Variants in PTPRK observed in about 807,000 individuals in gnomAD.
The protein encoded by PTPRK is receptor-type tyrosine-protein phosphatase kappa.
In PTPRK, 75 loss-of-function variants were observed where a neutral mutation model predicts 178.0. The ratio of observed to expected loss-of-function variants is 0.42; its 90% CI spans 0.35 to 0.51. PTPRK has a LOEUF of 0.51. PTPRK is among the 20% of genes least tolerant of loss of function. The pLI, the probability that PTPRK is intolerant of heterozygous loss-of-function variation, is 0.02. For synonymous variants in PTPRK, 637 were observed against 620.6 expected (o/e 1.03, Z -0.39); for missense variants, 1,441 against 1,797.8 (o/e 0.80, Z 3.59).
intron 2 of PTPRK, among the ~76,000 whole-genome samples, chr6:128,336,796 C>T (rs562870398): frequency 3.9e-5 from 6 of 152,294 alleles, no homozygotes; most frequent in African/African-American, 1.2e-4. Flanking sequence ...AGGGATTAAA[C>T]TCTGCAAACA....
chr6:127,998,916 C>T lies in PTPRK; in HGVS notation c.2495-12G>A, dbSNP rs1377128722. The T allele has an allele frequency of 3.3e-6, 5 of 1,511,414 alleles. No individual in the cohort carries two copies. The East Asian group carries it at 1.2e-4, about 36-fold the overall frequency. 93.6% of individuals were successfully genotyped at this position (1,511,414 alleles called of 1,614,324 possible). The stretch of plus-strand genomic sequence containing the variant: ...ACTGTGGTTCTCATCTGGCATTTTT[C>T]AGATTTCAGAAGATTAAAAAAGAGA... On this transcript the variant is annotated splice_polypyrimidine_tract_variant and intron_variant, in intron 15 of 29. Coordinates refer to ENST00000368226, the MANE Select transcript of PTPRK (RefSeq NM_002844.4).
At chr6:128,315,399 A>C (rs1287428269) in intron 3 of PTPRK, among the ~76,000 whole-genome samples, 1 of 152,158 alleles carries the variant, frequency 6.6e-6, no homozygotes, top group Non-Finnish European at 1.5e-5. Flanking sequence ...ATTTTTTAAC[A>C]GATCATTCAA....
chr6:128,202,362 C>T (rs1185000745), intron 6 of PTPRK, among the ~76,000 whole-genome samples: 2 of 152,206 alleles, frequency 1.3e-5, no homozygotes, highest in East Asian at 3.8e-4. Flanking sequence ...CTTGTAAGTT[C>T]AGGCTACTAG....
chr6:128,511,277 T>C (rs1274092186), intron 1 of PTPRK, among the ~76,000 whole-genome samples: 1 of 152,172 alleles, frequency 6.6e-6, no homozygotes, highest in Non-Finnish European at 1.5e-5. Context: ...AACAATCTGA[T>C]CCTACTGTCT....
chr6:128,193,368 G>GT (rs1475665276), intron 6 of PTPRK, among the ~76,000 whole-genome samples: 3 of 140,840 alleles, frequency 2.1e-5, no homozygotes, highest in East Asian at 4.5e-4. Context: ...CAATTAAAAT[G>GT]TTTTAAGTAT....
At chr6:128,003,175 T>C (rs1361475929) in intron 15 of PTPRK, 4 of 1,589,980 alleles carry the variant, frequency 2.5e-6, no homozygotes, top group Non-Finnish European at 3.4e-6. Context: ...AATGAAAAGA[T>C]GATAAAGATT....
chr6:127,975,048 GTTAAATATA>G (rs966637222), intron 27 of PTPRK, among the ~76,000 whole-genome samples: 8 of 152,160 alleles, frequency 5.3e-5, no homozygotes, highest in Admixed American at 4.6e-4. Flanking sequence ...GTTTGATGCA[GTTAAATATA>G]TTAAATATAT....
intron 15 of PTPRK, chr6:128,003,227 T>G: frequency 6.2e-7 from 1 of 1,604,892 alleles, no homozygotes; most frequent in Non-Finnish European, 8.5e-7. Flanking sequence ...AGTGGATCAT[T>G]GGGCACTGCA....
chr6:128,254,710 G>A (rs1253705775), intron 3 of PTPRK, among the ~76,000 whole-genome samples: 2 of 151,242 alleles, frequency 1.3e-5, no homozygotes, highest in Admixed American at 1.3e-4. Flanking sequence ...TTTTTATCTA[G>A]AATACTCAGA....
intron 1 of PTPRK, among the ~76,000 whole-genome samples, chr6:128,424,810 T>G (rs911079286): frequency 2.0e-5 from 3 of 152,192 alleles, no homozygotes; most frequent in Non-Finnish European, 4.4e-5. Flanking sequence ...ATGCTGTCAC[T>G]AATGCTAAAA....
At chr6:128,198,384 A>G (rs1805299972) in intron 6 of PTPRK, among the ~76,000 whole-genome samples, 1 of 151,860 alleles carries the variant, frequency 6.6e-6, no homozygotes, top group African/African-American at 2.4e-5. Context: ...TCCATGGGAA[A>G]CTCTTCTCTT....
intron 2 of PTPRK, among the ~76,000 whole-genome samples, chr6:128,381,331 A>C (rs532769793): frequency 6.6e-6 from 1 of 152,326 alleles, no homozygotes; most frequent in South Asian, 2.1e-4. Context: ...TCTTTGTTAT[A>C]AAAATCATTT....
chr6:128,109,592 A>C (rs1790303928), intron 7 of PTPRK, among the ~76,000 whole-genome samples: 1 of 152,158 alleles, frequency 6.6e-6, no homozygotes, highest in South Asian at 2.1e-4. Flanking sequence ...ATAGAAAGAC[A>C]AGAAAGGAAG....
intron 6 of PTPRK, among the ~76,000 whole-genome samples, chr6:128,218,318 G>A (rs1187595315): frequency 6.6e-6 from 1 of 152,174 alleles, no homozygotes; most frequent in Non-Finnish European, 1.5e-5. Context: ...AATGTAATAT[G>A]TGTTTTGCAC....
chr6:127,977,280 A>AG (rs1192007396), intron 25 of PTPRK, among the ~76,000 whole-genome samples: 3 of 152,244 alleles, frequency 2.0e-5, no homozygotes, highest in Non-Finnish European at 4.4e-5. Flanking sequence ...CAATGCTTCC[A>AG]AAGCAATTCA....
intron 6 of PTPRK, among the ~76,000 whole-genome samples, chr6:128,197,784 A>C (rs1279531698): frequency 6.6e-6 from 1 of 152,050 alleles, no homozygotes; most frequent in African/African-American, 2.4e-5. Flanking sequence ...AAAGGCACAA[A>C]ATAACATTAG....
At chr6:128,261,097 T>A (rs969889686) in intron 3 of PTPRK, among the ~76,000 whole-genome samples, 1 of 152,078 alleles carries the variant, frequency 6.6e-6, no homozygotes, top group African/African-American at 2.4e-5. Flanking sequence ...ATTTTACCCA[T>A]CCAAATTTAA....
At chr6:128,214,633 T>C (rs745758079) in intron 6 of PTPRK, among the ~76,000 whole-genome samples, 23 of 151,976 alleles carry the variant, frequency 1.5e-4, no homozygotes, top group Non-Finnish European at 2.9e-4. Context: ...AGGAAGCATG[T>C]AGTCATATTT....
chr6:128,354,501 C>T (rs1165647440), intron 2 of PTPRK, among the ~76,000 whole-genome samples: 1 of 152,032 alleles, frequency 6.6e-6, no homozygotes, highest in East Asian at 1.9e-4. Context: ...TCCCAAAGTG[C>T]TGGGATTACA....
Sources: gnomAD v4.1 joint callset for allele counts (sites outside exome capture counted in the v4.1 genomes callset) on GRCh38, gnomAD v4.1.1 for gene constraint, MANE v1.5 for transcripts, NCBI Gene and HGNC (gene_info 2026-07-23, HGNC 2026-07-21) for gene names.